Variants in MALRD1 observed in about 807,000 individuals in gnomAD.
MALRD1 encodes MAM and LDL receptor class A domain containing 1.
Under a neutral mutation model 242.1 loss-of-function variants are expected in MALRD1, and 247 were observed. The observed-to-expected ratio is 1.02, with a 90% CI of 0.92 to 1.13. MALRD1 has a LOEUF of 1.13. MALRD1 is among the 50% of genes most tolerant of loss of function. The pLI, the probability that MALRD1 is intolerant of heterozygous loss-of-function variation, is 0.00. For missense variants in MALRD1, 2,989 were observed against 2,533.1 expected, an observed-to-expected ratio of 1.18 and a Z score of -3.86; for synonymous variants, 995 against 866.6, an observed-to-expected ratio of 1.15 and a Z score of -2.60.
intron 32 of MALRD1, among the ~76,000 whole-genome samples, chr10:19,565,388 A>C (rs920688338): frequency 6.6e-6 from 1 of 152,214 alleles, no homozygotes; most frequent in Non-Finnish European, 1.5e-5. Flanking sequence ...TTGGGGAAAA[A>C]CAAAGTGTTA....
chr10:19,421,593 C>A (rs758411704), intron 28 of MALRD1, among the ~76,000 whole-genome samples: 10 of 152,184 alleles, frequency 6.6e-5, no homozygotes, highest in Non-Finnish European at 1.3e-4. Context: ...AAACACATTT[C>A]ATTATTGCAA....
chr10:19,704,710 T>G (rs1833784601), intron 38 of MALRD1, among the ~76,000 whole-genome samples: 2 of 152,168 alleles, frequency 1.3e-5, no homozygotes, highest in Admixed American at 1.3e-4. Flanking sequence ...TACCCTCACT[T>G]TCTGGTTCAT....
At chr10:19,517,955 A>C (rs1833711993) in intron 31 of MALRD1, among the ~76,000 whole-genome samples, 1 of 152,178 alleles carries the variant, frequency 6.6e-6, no homozygotes, top group Non-Finnish European at 1.5e-5. Flanking sequence ...TGCAGATATG[A>C]CTTATAAATC....
chr10:19,250,724 G>A (rs1223487429), intron 18 of MALRD1, among the ~76,000 whole-genome samples: 1 of 151,838 alleles, frequency 6.6e-6, no homozygotes, highest in East Asian at 1.9e-4. Context: ...TCTCATATGA[G>A]TTGAGTACTT....
chr10:19,401,949 C>T (rs1025993348), intron 28 of MALRD1, among the ~76,000 whole-genome samples: 6 of 152,200 alleles, frequency 3.9e-5, no homozygotes, highest in African/African-American at 7.2e-5. Context: ...ATGATACTTA[C>T]ATAAACCCAA....
At chr10:19,472,692 A>G (rs910092627) in intron 29 of MALRD1, among the ~76,000 whole-genome samples, 6 of 151,926 alleles carry the variant, frequency 3.9e-5, no homozygotes, top group African/African-American at 1.2e-4. Context: ...TTAGAATACA[A>G]TTGTTAATAG....
intron 18 of MALRD1, among the ~76,000 whole-genome samples, chr10:19,252,571 T>G (rs1839340545): frequency 6.6e-6 from 1 of 152,060 alleles, no homozygotes; most frequent in Non-Finnish European, 1.5e-5. Flanking sequence ...TTGGTAGACA[T>G]CATATTTTTT....
chr10:19,445,336 A>C (rs972436860), intron 28 of MALRD1, among the ~76,000 whole-genome samples: 9 of 152,070 alleles, frequency 5.9e-5, no homozygotes, highest in African/African-American at 2.2e-4. Context: ...TTCTCCATCC[A>C]CCTTTGTTCC....
At chr10:19,260,837 G>A (rs527256396) in intron 19 of MALRD1, among the ~76,000 whole-genome samples, 20 of 152,128 alleles carry the variant, frequency 1.3e-4, no homozygotes, top group Non-Finnish European at 2.4e-4. Context: ...CTTCTTCTTG[G>A]AACCATAATG....
chr10:19,530,431 TATATATAATATATA>T (rs1194863253), intron 31 of MALRD1, among the ~76,000 whole-genome samples: 20 of 66,748 alleles, frequency 3.0e-4, no homozygotes, highest in African/African-American at 9.7e-4. Context: ...AAATATATAA[TATATATAATATATA>T]ATATATAATA....
chr10:19,463,574 G>A (rs866026195), intron 29 of MALRD1, among the ~76,000 whole-genome samples: 147 of 21,698 alleles, frequency 6.8e-3, no homozygotes, highest in Admixed American at 0.033. Context: ...GTGTGTGTGT[G>A]TGTGTGTGTG....
At chr10:19,654,492 T>C (rs1413736597) in intron 36 of MALRD1, among the ~76,000 whole-genome samples, 1 of 152,150 alleles carries the variant, frequency 6.6e-6, no homozygotes, top group Non-Finnish European at 1.5e-5. Context: ...TCTACATAGA[T>C]GAATCCAAAA....
At chr10:19,340,903 T>A (rs1356111793) in intron 24 of MALRD1, among the ~76,000 whole-genome samples, 6 of 152,106 alleles carry the variant, frequency 3.9e-5, no homozygotes, top group Admixed American at 3.9e-4. Flanking sequence ...ACTCACTAAA[T>A]CATAAACTTC....
At position 19,634,373 on chromosome 10, in the gene MALRD1, C is replaced by T. The variant is rs76188373; in HGVS notation, c.6137+18450C>T. Reference sequence around the variant, plus strand: ...GCTAAATTTGAGGCTTTTGTTGTTACGCAAGACTGAGCATTTAAATCACCA... The same window carrying T: ...GCTAAATTTGAGGCTTTTGTTGTTATGCAAGACTGAGCATTTAAATCACCA... On this transcript the variant is annotated intron_variant, in intron 36 of 39. Transcript: ENST00000454679. Among the ~76,000 whole-genome samples the T allele has an allele frequency of 3.0e-3, 458 of 152,124 alleles. 2 individuals are homozygous for T. Among genetic ancestry groups the T allele is most frequent in the African/African-American group, 0.01 (421 of 41,496 alleles).
chr10:19,254,860 A>C (rs1405021740), intron 18 of MALRD1, among the ~76,000 whole-genome samples: 1 of 152,006 alleles, frequency 6.6e-6, no homozygotes, highest in East Asian at 1.9e-4. Flanking sequence ...CTAAAGTGAA[A>C]GTAAGCAGCA....
chr10:19,216,399 G>A (rs1588710283), intron 18 of MALRD1, among the ~76,000 whole-genome samples: 2 of 151,882 alleles, frequency 1.3e-5, no homozygotes, highest in South Asian at 2.1e-4. Flanking sequence ...TAAGGCATGA[G>A]CCACTATACC....
At chr10:19,125,295 TTC>T (rs1837223399) in intron 7 of MALRD1, among the ~76,000 whole-genome samples, 2 of 34,964 alleles carry the variant, frequency 5.7e-5, no homozygotes, top group South Asian at 1.1e-3. Context: ...CTTTCTTTCC[TTC>T]CTTCCTTCCT....
chr10:19,497,902 C>T (rs1837793970), intron 30 of MALRD1, among the ~76,000 whole-genome samples: 1 of 152,140 alleles, frequency 6.6e-6, no homozygotes, highest in Non-Finnish European at 1.5e-5. Flanking sequence ...TAATTTTTCT[C>T]ACTGTGAATA....
intron 19 of MALRD1, among the ~76,000 whole-genome samples, chr10:19,274,010 T>C (rs1840381676): frequency 6.6e-6 from 1 of 152,144 alleles, no homozygotes. Context: ...AGATCAAAAT[T>C]CTTGTGCATT....
Sources: allele counts gnomAD v4.1 joint callset (sites outside exome capture counted in the v4.1 genomes callset), GRCh38; gene constraint gnomAD v4.1.1; transcripts MANE v1.5; gene names NCBI Gene and HGNC (gene_info 2026-07-23, HGNC 2026-07-21).